AFG1L: variants seen among roughly 807,000 people sequenced by gnomAD.
The protein encoded by AFG1L is AFG1-like ATPase.
AFG1L carries 53 observed loss-of-function variants against 62.2 expected under a neutral mutation model. The ratio of observed to expected loss-of-function variants is 0.85; its 90% CI spans 0.68 to 1.07. The LOEUF (loss-of-function observed/expected upper bound fraction) is 1.07, where lower values mean the gene tolerates loss of function less well. Ranked by LOEUF, AFG1L falls within the 50% of genes least tolerant of loss-of-function variation. The pLI, the probability that AFG1L is intolerant of heterozygous loss-of-function variation, is 0.00. For missense variants in AFG1L, 555 were observed against 590.5 expected, an observed-to-expected ratio of 0.94 and a Z score of 0.62; for synonymous variants, 228 against 210.3, an observed-to-expected ratio of 1.08 and a Z score of -0.73.
At chr6:108,379,939 ACAGGAAGAGTGGGG>A (rs1780424426) in intron 6 of AFG1L, among the ~76,000 whole-genome samples, 1 of 149,462 alleles carries the variant, frequency 6.7e-6, no homozygotes, top group Non-Finnish European at 1.5e-5. Context: ...GACTCTCTGC[ACAGGAAGAGTGGGG>A]CAGGTCAAGC....
chr6:108,409,644 A>C (rs910115093), intron 7 of AFG1L, among the ~76,000 whole-genome samples: 1 of 152,194 alleles, frequency 6.6e-6, no homozygotes, highest in Admixed American at 6.5e-5. Flanking sequence ...AGATTAGATG[A>C]TAAGTGAGCT....
chr6:108,502,007 T>C (rs1281569134), intron 10 of AFG1L, among the ~76,000 whole-genome samples: 1 of 152,360 alleles, frequency 6.6e-6, no homozygotes, highest in Non-Finnish European at 1.5e-5. Context: ...TTTACTGTTA[T>C]AGGCTTTTCT....
intron 2 of AFG1L, among the ~76,000 whole-genome samples, chr6:108,338,195 A>G (rs1275881274): frequency 2.0e-5 from 3 of 152,174 alleles, no homozygotes; most frequent in Admixed American, 6.5e-5. Context: ...CAAAAAAACA[A>G]AAGAATCATT....
At chr6:108,429,041 A>C (rs536277239) in intron 7 of AFG1L, among the ~76,000 whole-genome samples, 9 of 152,088 alleles carry the variant, frequency 5.9e-5, no homozygotes, top group African/African-American at 2.2e-4. Flanking sequence ...TTTCTTCTAG[A>C]ATGTTTGTGG....
intron 8 of AFG1L, among the ~76,000 whole-genome samples, chr6:108,456,699 A>G (rs762561106): frequency 5.3e-5 from 8 of 152,254 alleles, no homozygotes; most frequent in Non-Finnish European, 8.8e-5. Context: ...CCTATTTTAT[A>G]CATCTCATAT....
chr6:108,488,868 A>G (rs1773670440), intron 10 of AFG1L, among the ~76,000 whole-genome samples: 1 of 152,118 alleles, frequency 6.6e-6, no homozygotes, highest in Non-Finnish European at 1.5e-5. Flanking sequence ...CAAACAAACA[A>G]AAAACCGGAG....
intron 5 of AFG1L, chr6:108,359,692 A>G (rs1408121326): frequency 6.6e-6 from 1 of 152,268 alleles, no homozygotes; most frequent in Non-Finnish European, 1.5e-5. Context: ...CGAATGGGCC[A>G]GTCGTAGACC....
Position 108,413,101 on chromosome 6 carries a change from A to G in AFG1L, c.807+11047A>G, listed in dbSNP as rs1044336548. Among the ~76,000 whole-genome samples, 17 of 152,300 alleles carry G rather than the reference A, an allele frequency of 1.1e-4. No homozygotes were observed. In the East Asian group the frequency reaches 2.9e-3, roughly 26 times the overall value. On this transcript the variant is annotated intron_variant, in intron 7 of 12. Transcript: ENST00000368977. ...CCAAGCAAATGGAAAACAAAAAAAA[A>G]GCAGGGGTTGCAATCCTAGTCTCTC...
At chr6:108,380,585 C>T (rs553170882) in intron 6 of AFG1L, among the ~76,000 whole-genome samples, 4 of 152,256 alleles carry the variant, frequency 2.6e-5, no homozygotes, top group Admixed American at 2.6e-4. Context: ...ATGTGGAGGC[C>T]CCCTATCCAA....
At chr6:108,453,037 C>T (rs1772117308) in intron 8 of AFG1L, among the ~76,000 whole-genome samples, 1 of 152,190 alleles carries the variant, frequency 6.6e-6, no homozygotes. Context: ...AGGGGCTTGT[C>T]TCTCCCAACA....
At chr6:108,494,073 C>G (rs539727565) in intron 10 of AFG1L, among the ~76,000 whole-genome samples, 18 of 152,284 alleles carry the variant, frequency 1.2e-4, no homozygotes, top group Non-Finnish European at 2.1e-4. Flanking sequence ...CCGCCCGTCT[C>G]GGCCTCCCAA....
At chr6:108,333,079 A>C (rs576188354) in intron 2 of AFG1L, among the ~76,000 whole-genome samples, 46 of 152,378 alleles carry the variant, frequency 3.0e-4, no homozygotes, top group African/African-American at 1.0e-3. Context: ...GTGAAAAGGT[A>C]GACGACAGAC....
chr6:108,478,605 T>G (rs1773217806), intron 10 of AFG1L, among the ~76,000 whole-genome samples: 1 of 152,214 alleles, frequency 6.6e-6, no homozygotes, highest in Non-Finnish European at 1.5e-5. Flanking sequence ...TAACATCTCC[T>G]GACAAAATTC....
At chr6:108,362,158 A>G (rs767956209) in intron 5 of AFG1L, among the ~76,000 whole-genome samples, 27 of 152,202 alleles carry the variant, frequency 1.8e-4, no homozygotes, top group Non-Finnish European at 3.2e-4. Context: ...GTATATTATA[A>G]CTTCAACCCA....
chr6:108,399,859 G>A lies in AFG1L; in HGVS notation c.749-2137G>A, dbSNP rs1362521185. On this transcript the variant is annotated intron_variant, in intron 6 of 12. Transcript: ENST00000368977. ...AGTGGCAAGATCTTGGCCCACTGCA[G>A]CCTCTGCCTCCCAGGCTCAAGTGAT... Among the ~76,000 whole-genome samples the A allele has an allele frequency of 2.1e-5, 3 of 141,340 alleles. No homozygotes were observed. In the Admixed American group the frequency reaches 2.3e-4, roughly 11 times the overall value. 92.7% of individuals were successfully genotyped at this position (141,340 alleles called of 152,430 possible).
intron 7 of AFG1L, among the ~76,000 whole-genome samples, chr6:108,407,664 A>C (rs1781917426): frequency 6.7e-6 from 1 of 150,164 alleles, no homozygotes; most frequent in African/African-American, 2.5e-5. Flanking sequence ...CAGCCTGGGC[A>C]ACAAAGCAAT....
chr6:108,506,152 A>G (rs1774411432), intron 10 of AFG1L, among the ~76,000 whole-genome samples: 1 of 152,166 alleles, frequency 6.6e-6, no homozygotes, highest in African/African-American at 2.4e-5. Flanking sequence ...CAGATCCTGA[A>G]GTCCCTGATA....
chr6:108,348,465 T>C (rs1031825038), intron 3 of AFG1L, among the ~76,000 whole-genome samples: 2 of 152,256 alleles, frequency 1.3e-5, no homozygotes, highest in Admixed American at 1.3e-4. Context: ...CTACCTTGCA[T>C]TGAATGTCCG....
intron 10 of AFG1L, among the ~76,000 whole-genome samples, chr6:108,481,751 A>G (rs1773327621): frequency 6.6e-6 from 1 of 152,232 alleles, no homozygotes; most frequent in African/African-American, 2.4e-5. Context: ...TCTGCACTAT[A>G]TCAAATATGA....
Sources: allele counts gnomAD v4.1 joint callset (sites outside exome capture counted in the v4.1 genomes callset), GRCh38; gene constraint gnomAD v4.1.1; transcripts MANE v1.5; gene names NCBI Gene and HGNC (gene_info 2026-07-23, HGNC 2026-07-21).